Variants in MAT1A observed in about 807,000 individuals in gnomAD.
The protein encoded by MAT1A is methionine adenosyltransferase 1A.
A neutral mutation model predicts 44.0 loss-of-function variants in MAT1A; 19 were observed. The observed-to-expected ratio is 0.43, with a 90% CI of 0.30 to 0.63. The LOEUF (loss-of-function observed/expected upper bound fraction) is 0.63. Ranked by LOEUF, MAT1A falls within the 30% of genes least tolerant of loss-of-function variation. The probability of loss-of-function intolerance (pLI) is 0.12; values close to 1 mark genes in which losing one functional copy is unlikely to be tolerated. For missense variants in MAT1A, 397 were observed against 531.0 expected, an observed-to-expected ratio of 0.75 and a Z score of 2.48; for synonymous variants, 205 against 205.6, an observed-to-expected ratio of 1.00 and a Z score of 0.03.
rs200191278 is a variant in MAT1A, at chr10:80,273,902, G to A, written c.1086-19C>T. On this transcript the variant is annotated intron_variant, in intron 8 of 8. Coordinates refer to ENST00000372213, the MANE Select transcript of MAT1A (RefSeq NM_000429.3). ...CAAATCCCTGCATGTCCAGCAGAAAGGAAGGGCATTGGAAGATGGAACAGG... is the reference window on the plus strand; with the variant it reads ...CAAATCCCTGCATGTCCAGCAGAAAAGAAGGGCATTGGAAGATGGAACAGG... 63 of 1,531,678 alleles carry A rather than the reference G, an allele frequency of 4.1e-5. 1 individual carries two copies. In the Middle Eastern group the frequency reaches 6.8e-4, roughly 17 times the overall value. 94.9% of individuals were successfully genotyped at this position (1,531,678 alleles called of 1,614,324 possible). A position where few individuals can be genotyped will look rare whatever the true frequency, so the allele number is the denominator to read the frequency against.
At chr10:80,277,154 C>T (rs952611051) in intron 5 of MAT1A, among the ~76,000 whole-genome samples, 1 of 152,212 alleles carries the variant, frequency 6.6e-6, no homozygotes, top group Non-Finnish European at 1.5e-5. Context: ...CCCAATACTG[C>T]CGAAAGCAGC....
Position 80,273,088 on chromosome 10 carries a change from C to T in MAT1A, c.*693G>A, listed in dbSNP as rs955848371. ...GTCACAGGCTCCTGAGTCAAAGCTC[C>T]TAGTTATACATCTAGGTCTAAACAC... is the stretch of plus-strand genomic sequence containing the variant. On this transcript the variant is annotated 3_prime_UTR_variant, in exon 9 of 9. Transcript: ENST00000372213. 5.9e-5 allele frequency: 9 copies of T among 152,436 alleles called. No individual in the cohort carries two copies. Among genetic ancestry groups the T allele is most frequent in the African/African-American group, 1.9e-4 (8 of 41,402 alleles). The allele number at this position is 152,436 out of a possible 1,614,324, so 9.4% of individuals were successfully genotyped here. A position where few individuals can be genotyped will look rare whatever the true frequency, so the allele number is the denominator to read the frequency against.
At chr10:80,284,156 T>A in intron 2 of MAT1A, 118 bp from the exon 3 acceptor site, 1 of 1,336,610 alleles carries the variant, frequency 7.5e-7, no homozygotes, top group African/African-American at 1.4e-5. Flanking sequence ...TTACGAGGAA[T>A]GGATTCCAGA....
Position 80,280,766 on chromosome 10 carries a change from G to C in MAT1A, c.319C>G (p.Leu107Val), listed in dbSNP as rs1064793166. ...KGFDFKTCNV[L>V]VALEQQSPDI... The stretch of plus-strand genomic sequence containing the variant: ...GGGGATTGCTGCTCCAAAGCCACCA[G>C]CACGTTGCAAGTCTTGAAGTCAAAG... Residue 107 changes from leucine to valine, a missense_variant, in exon 4 of 9, where the codon CTG (leucine) becomes GTG (valine). Leu to Val is a conservative substitution (Grantham distance 32). Coordinates refer to ENST00000372213, the MANE Select transcript of MAT1A (RefSeq NM_000429.3). The C allele has an allele frequency of 1.9e-6, 3 of 1,614,192 alleles. No homozygotes were observed. In the Admixed American group the frequency reaches 5.0e-5, roughly 27 times the overall value.
intron 5 of MAT1A, among the ~76,000 whole-genome samples, chr10:80,277,108 G>T (rs1841500053): frequency 1.3e-5 from 2 of 152,248 alleles, no homozygotes. Context: ...CAAGAAGAAG[G>T]TTGGATGCCA....
At chr10:80,283,590 C>T (rs937118732) in intron 3 of MAT1A, among the ~76,000 whole-genome samples, 1 of 152,262 alleles carries the variant, frequency 6.6e-6, no homozygotes, top group Non-Finnish European at 1.5e-5. Flanking sequence ...TGCCTGGCAG[C>T]GAGCATGTCC....
chr10:80,283,400 G>T (rs574543849), intron 3 of MAT1A, among the ~76,000 whole-genome samples: 1 of 152,262 alleles, frequency 6.6e-6, no homozygotes, highest in Non-Finnish European at 1.5e-5. Flanking sequence ...ACCAGTTCTG[G>T]ACTGAGTCAT....
In MAT1A at chr10:80,280,764, C is replaced by T. The variant is rs1225199167; in HGVS notation, c.321G>A (p.Leu107=). 1 of 1,614,206 alleles carries T rather than the reference C, an allele frequency of 6.2e-7. No homozygotes were observed. Among genetic ancestry groups the T allele is most frequent in the South Asian group, 1.1e-5 (1 of 91,088 alleles). ...KGFDFKTCNV[L]VALEQQSPDI... ...CTGGGGATTGCTGCTCCAAAGCCAC[C>T]AGCACGTTGCAAGTCTTGAAGTCAA... Residue 107 remains leucine (L), a synonymous_variant, in exon 4 of 9, where the codon CTG becomes CTA. Transcript: ENST00000372213.
chr10:80,278,441 T>C (rs1220758210), intron 5 of MAT1A, among the ~76,000 whole-genome samples: 1 of 152,194 alleles, frequency 6.6e-6, no homozygotes, highest in Non-Finnish European at 1.5e-5. Flanking sequence ...TCCCCTTCTG[T>C]GAATCTTCAC....
rs765379709 is a variant in MAT1A, at chr10:80,273,817, C to T, written c.1152G>A (p.Glu384=). The change falls in exon 9 of 9, where the codon GAG becomes GAA. Residue 384 remains glutamate (E), a synonymous_variant. Coordinates refer to ENST00000372213, the MANE Select transcript of MAT1A (RefSeq NM_000429.3). ...GCTTCCTGGGAACCTCCCATGGGAACTCGCTTCTTCCGAAATGGCCGTAGC... is the reference window on the plus strand; with the variant it reads ...GCTTCCTGGGAACCTCCCATGGGAATTCGCTTCTTCCGAAATGGCCGTAGC... ...TACYGHFGRS[E]FPWEVPRKLV... is the part of the protein sequence containing the mutation. The T allele has an allele frequency of 6.2e-7, 1 of 1,613,770 alleles. No homozygotes were observed. Among genetic ancestry groups the T allele is most frequent in the African/African-American group, 1.3e-5 (1 of 74,914 alleles).
rs1428791225 is a variant in MAT1A at position 80,283,829 on chromosome 10, G to C, written c.292+87C>G. 2.5e-6 allele frequency: 4 copies of C among 1,596,156 alleles called. No homozygotes were observed. In the African/African-American group the frequency reaches 4.0e-5, roughly 16 times the overall value. ...TCCTGGTAGTATTGATGCTCCCATC[G>C]GGCTGAAAGGCACGGGTTTGACTCA... On this transcript the variant is annotated intron_variant, in intron 3 of 8. Transcript: ENST00000372213.
chr10:80,273,472 T>G lies in MAT1A; in HGVS notation c.*309A>C. The G allele has an allele frequency of 1.1e-5, 4 of 376,226 alleles. No homozygotes were observed. The highest frequency in any genetic ancestry group is 3.7e-5 in the Admixed American group (1 of 26,784). The allele number at this position is 376,226 out of a possible 1,614,324, so 23.3% of individuals were successfully genotyped here. A position where few individuals can be genotyped will look rare whatever the true frequency, so the allele number is the denominator to read the frequency against. On this transcript the variant is annotated 3_prime_UTR_variant, in exon 9 of 9. Transcript: ENST00000372213. ...GGGGGAGCTGGTCAGGGTCCAGCTG[T>G]TGGGGGAGACGAGTGAGGGAATTCA...
chr10:80,284,721 C>T (rs1028277350), intron 2 of MAT1A, among the ~76,000 whole-genome samples: 1 of 152,214 alleles, frequency 6.6e-6, no homozygotes, highest in Admixed American at 6.5e-5. Flanking sequence ...GATCCTGTCT[C>T]TAAAATGAAC....
At chr10:80,277,547 A>G (rs1841507403) in intron 5 of MAT1A, among the ~76,000 whole-genome samples, 1 of 152,208 alleles carries the variant, frequency 6.6e-6, no homozygotes, top group Non-Finnish European at 1.5e-5. Context: ...CTCAAATGCC[A>G]GGCTGTGCAC....
intron 6 of MAT1A, 40 bp downstream of exon 6, chr10:80,276,336 C>A: frequency 6.2e-7 from 1 of 1,607,924 alleles, no homozygotes; most frequent in South Asian, 1.1e-5. Flanking sequence ...ACCCCAGTAA[C>A]AAAGACAAAC....
At chr10:80,281,488 T>G (rs972241732) in intron 3 of MAT1A, among the ~76,000 whole-genome samples, 1 of 151,024 alleles carries the variant, frequency 6.6e-6, no homozygotes, top group South Asian at 2.1e-4. Context: ...GCCCTGGGAG[T>G]CCCATGAGGA....
intron 3 of MAT1A, 108 bp downstream of exon 3, chr10:80,283,808 G>T: frequency 6.6e-7 from 1 of 1,520,644 alleles, no homozygotes; most frequent in Non-Finnish European, 9.1e-7. Context: ...TTTTCCTCCT[G>T]GTAGTATTGA....
chr10:80,288,393 G>A (rs368361283), intron 1 of MAT1A, among the ~76,000 whole-genome samples: 3 of 152,174 alleles, frequency 2.0e-5, no homozygotes, highest in African/African-American at 7.2e-5. Context: ...CCAGCCCTCT[G>A]TTGTCTTGAC....
At position 80,285,495 on chromosome 10, in the gene MAT1A, G is replaced by A. The variant is rs773779876; in HGVS notation, c.169+17C>T. 6.2e-6 allele frequency: 10 copies of A among 1,610,996 alleles called. No homozygotes were observed. The Admixed American group carries it at 1.7e-4, about 27-fold the overall frequency. On this transcript the variant is annotated intron_variant, in intron 2 of 8. Coordinates refer to ENST00000372213, the MANE Select transcript of MAT1A (RefSeq NM_000429.3). ...CCCACTTAGGTCTCCAGCAGGGAGG[G>A]ATCGGGTGTTTCTTACCACAGGCCA... is the stretch of plus-strand genomic sequence containing the variant.
Sources: gnomAD v4.1 joint callset for allele counts (sites outside exome capture counted in the v4.1 genomes callset) on GRCh38, gnomAD v4.1.1 for gene constraint, MANE v1.5 for transcripts, NCBI Gene and HGNC (gene_info 2026-07-23, HGNC 2026-07-21) for gene names.